LRMDA: variants seen among roughly 807,000 people sequenced by gnomAD.
LRMDA encodes leucine rich melanocyte differentiation associated.
In LRMDA, 18 loss-of-function variants were observed where a neutral mutation model predicts 29.8. The ratio of observed to expected loss-of-function variants is 0.60; its 90% confidence interval spans 0.42 to 0.90. LRMDA has a LOEUF of 0.90. Ranked by LOEUF, LRMDA falls within the 40% of genes least tolerant of loss-of-function variation. LRMDA has a pLI of 0.00. For missense variants in LRMDA, 273 were observed against 273.9 expected, an observed-to-expected ratio of 1.00 and a Z score of 0.02; for synonymous variants, 125 against 109.4, an observed-to-expected ratio of 1.14 and a Z score of -0.89.
chr10:76,142,691 T>A (rs1850227022), intron 5 of LRMDA, among the ~76,000 whole-genome samples: 1 of 148,594 alleles, frequency 6.7e-6, no homozygotes, highest in Non-Finnish European at 1.5e-5. Flanking sequence ...TCTTTATTAT[T>A]ATTATTATTA....
At chr10:76,045,137 CT>C (rs1848412440) in intron 3 of LRMDA, among the ~76,000 whole-genome samples, 1 of 149,998 alleles carries the variant, frequency 6.7e-6, no homozygotes, top group Non-Finnish European at 1.5e-5. Context: ...TAGTTTCCCC[CT>C]CTCTTGCTAC....
At position 75,768,768 on chromosome 10, in the gene LRMDA, G is replaced by A. The variant is rs148453096; in HGVS notation, c.132-267240G>A. Among the ~76,000 whole-genome samples the A allele has an allele frequency of 3.3e-3, 499 of 152,284 alleles. 3 individuals are homozygous for A. Among genetic ancestry groups the A allele is most frequent in the African/African-American group, 0.012 (481 of 41,546 alleles). On this transcript the variant is annotated intron_variant, in intron 2 of 6. Transcript: ENST00000611255. Reference sequence around the variant, plus strand: ...GTTCTTTAGTATAAAAAGTAACTGTGTTATATAGTACAATGGGATTGTATG... The same window carrying A: ...GTTCTTTAGTATAAAAAGTAACTGTATTATATAGTACAATGGGATTGTATG...
chr10:76,201,295 A>T (rs1050046925), intron 5 of LRMDA, among the ~76,000 whole-genome samples: 1 of 150,678 alleles, frequency 6.6e-6, no homozygotes, highest in Admixed American at 6.7e-5. Context: ...GAGTTTCACC[A>T]TATTGTCTGG....
chr10:76,505,945 C>T (rs2637240), intron 6 of LRMDA, among the ~76,000 whole-genome samples: 111,183 of 151,930 alleles, frequency 0.73, 41,399 homozygotes, highest in Non-Finnish European at 0.81. Flanking sequence ...TGTTTCTGGG[C>T]GCTTTCAGGG....
At chr10:76,046,324 G>A (rs1025891785) in intron 3 of LRMDA, among the ~76,000 whole-genome samples, 1 of 152,048 alleles carries the variant, frequency 6.6e-6, no homozygotes, top group Non-Finnish European at 1.5e-5. Context: ...TATTTGGTTT[G>A]GCCATGATTG....
intron 6 of LRMDA, among the ~76,000 whole-genome samples, chr10:76,495,708 T>A (rs1333661606): frequency 2.0e-5 from 3 of 152,008 alleles, no homozygotes; most frequent in Non-Finnish European, 4.4e-5. Flanking sequence ...GTAATTTTTT[T>A]ATACAAATTG....
chr10:75,476,031 A>T (rs953542841), intron 2 of LRMDA, among the ~76,000 whole-genome samples: 1 of 152,182 alleles, frequency 6.6e-6, no homozygotes, highest in African/African-American at 2.4e-5. Context: ...CAAACATTAG[A>T]ATGTTCTGAC....
intron 5 of LRMDA, among the ~76,000 whole-genome samples, chr10:76,158,006 A>G (rs1231909173): frequency 6.6e-6 from 1 of 152,144 alleles, no homozygotes; most frequent in African/African-American, 2.4e-5. Context: ...GTAAAATACG[A>G]TATTATAATC....
chr10:76,346,505 A>G (rs963446821), intron 6 of LRMDA: 3 of 152,348 alleles, frequency 2.0e-5, no homozygotes, highest in South Asian at 4.1e-4. Context: ...GGACATTCAC[A>G]TGAATCAAAT....
chr10:76,109,985 T>C (rs1450777874), intron 5 of LRMDA, among the ~76,000 whole-genome samples: 2 of 152,180 alleles, frequency 1.3e-5, no homozygotes, highest in African/African-American at 4.8e-5. Context: ...ACTTTCTTTC[T>C]TGGAGGCCTC....
chr10:75,984,146 G>A (rs1564623060), intron 2 of LRMDA, among the ~76,000 whole-genome samples: 1 of 151,182 alleles, frequency 6.6e-6, no homozygotes, highest in Non-Finnish European at 1.5e-5. Context: ...ACGACATCAT[G>A]ATTTACCTGG....
chr10:76,387,017 G>T (rs1841667791), intron 6 of LRMDA, among the ~76,000 whole-genome samples: 1 of 152,058 alleles, frequency 6.6e-6, no homozygotes, highest in Non-Finnish European at 1.5e-5. Context: ...AAAATTTTGG[G>T]TTAAAATGAA....
At chr10:76,221,139 T>C (rs1589381824) in intron 5 of LRMDA, among the ~76,000 whole-genome samples, 1 of 151,854 alleles carries the variant, frequency 6.6e-6, no homozygotes, top group South Asian at 2.1e-4. Flanking sequence ...ATAAGAGCTA[T>C]CTATGACAAA....
At chr10:75,505,038 GAGAGATAGGTTATGGGAAAGAGAGGAA>G (rs1845155423) in intron 2 of LRMDA, among the ~76,000 whole-genome samples, 1 of 152,182 alleles carries the variant, frequency 6.6e-6, no homozygotes, top group South Asian at 2.1e-4. Context: ...AGAACTAGGT[GAGAGATAGGTTATGGGAAAGAGAGGAA>G]GGAGTCCAGG....
At chr10:76,472,368 A>G (rs1179952498) in intron 6 of LRMDA, among the ~76,000 whole-genome samples, 1 of 151,808 alleles carries the variant, frequency 6.6e-6, no homozygotes, top group East Asian at 1.9e-4. Context: ...AATGAAAAAG[A>G]CACACAACAT....
intron 5 of LRMDA, among the ~76,000 whole-genome samples, chr10:76,273,110 T>C (rs1330955110): frequency 6.6e-6 from 1 of 152,100 alleles, no homozygotes; most frequent in Non-Finnish European, 1.5e-5. Flanking sequence ...TAGGGCAAAA[T>C]TTTTAGTGAG....
chr10:75,455,757 A>G (rs927398287), intron 2 of LRMDA, among the ~76,000 whole-genome samples: 28 of 152,242 alleles, frequency 1.8e-4, no homozygotes, highest in African/African-American at 6.8e-4. Context: ...CTCATGCCCA[A>G]GAAGTTGTCA....
chr10:76,391,951 A>G (rs1841727808), intron 6 of LRMDA, among the ~76,000 whole-genome samples: 1 of 152,194 alleles, frequency 6.6e-6, no homozygotes, highest in Non-Finnish European at 1.5e-5. Flanking sequence ...ATCTGTTAAC[A>G]TAAATGATAT....
At chr10:76,361,285 G>C (rs886582328) in intron 6 of LRMDA, among the ~76,000 whole-genome samples, 3 of 151,644 alleles carry the variant, frequency 2.0e-5, no homozygotes, top group African/African-American at 7.3e-5. Flanking sequence ...AGAAAAATCA[G>C]GATTAAATGA....
Sources: gnomAD v4.1 joint callset for allele counts (sites outside exome capture counted in the v4.1 genomes callset) on GRCh38, gnomAD v4.1.1 for gene constraint, MANE v1.5 for transcripts, NCBI Gene and HGNC (gene_info 2026-07-23, HGNC 2026-07-21) for gene names.